The following AGBL3 variants were observed in gnomAD, a reference collection of about 807,000 sequenced individuals.
AGBL3 encodes the protein AGBL carboxypeptidase 3.
Under a neutral mutation model 94.5 loss-of-function variants are expected in AGBL3, and 68 were observed. That is an observed-to-expected ratio of 0.72 (90% CI 0.59 to 0.88). The LOEUF is 0.88. Among genes scored for constraint, AGBL3 ranks in the 40% least tolerant of loss-of-function variants. AGBL3 has a pLI of 0.00. For synonymous variants in AGBL3, 354 were observed against 370.7 expected, an observed-to-expected ratio of 0.95 and a Z score of 0.52; for missense variants, 934 against 1,103.8, an observed-to-expected ratio of 0.85 and a Z score of 2.18.
chr7:135,037,732 T>C (rs1356292962), intron 8 of AGBL3, among the ~76,000 whole-genome samples, 152 bp downstream of exon 8: 2 of 152,108 alleles, frequency 1.3e-5, no homozygotes. Flanking sequence ...AGCAACTATA[T>C]AGAACTACTT....
At chr7:134,998,562 CAGT>C (rs1563167525) in intron 4 of AGBL3, among the ~76,000 whole-genome samples, 1 of 152,186 alleles carries the variant, frequency 6.6e-6, no homozygotes, top group African/African-American at 2.4e-5. Flanking sequence ...AGATTGCCAG[CAGT>C]AATACCAGTC....
At position 135,025,216 on chromosome 7, in the gene AGBL3, G is replaced by A. The variant is rs181725757; in HGVS notation, c.419-7628G>A. Among the ~76,000 whole-genome samples the A allele has an allele frequency of 1.1e-3, 162 of 151,586 alleles. 8 individuals are homozygous for A. Among genetic ancestry groups the A allele is most frequent in the Admixed American group, 8.8e-3 (134 of 15,234 alleles). Reference sequence around the variant, plus strand: ...TGAAAGAAAAAATCTTAAAGGCAGCGAGAGAGAAGGGTGAAGTCATGTACA... The same window carrying A: ...TGAAAGAAAAAATCTTAAAGGCAGCAAGAGAGAAGGGTGAAGTCATGTACA... On this transcript the variant is annotated intron_variant, in intron 5 of 16. Coordinates refer to ENST00000436302, the MANE Select transcript of AGBL3 (RefSeq NM_178563.4).
chr7:134,997,340 G>A (rs1415880712), intron 4 of AGBL3, among the ~76,000 whole-genome samples: 18 of 152,212 alleles, frequency 1.2e-4, no homozygotes, highest in Admixed American at 7.9e-4. Flanking sequence ...ATGGCCTCAG[G>A]GTTGGGGACA....
At chr7:135,006,903 CA>C (rs1563176101) in intron 4 of AGBL3, among the ~76,000 whole-genome samples, 1 of 151,624 alleles carries the variant, frequency 6.6e-6, no homozygotes, top group African/African-American at 2.4e-5. Flanking sequence ...GAACCAGATA[CA>C]GAATAAAAAG....
At chr7:135,084,004 C>T (rs1306122031) in intron 15 of AGBL3, among the ~76,000 whole-genome samples, 2 of 152,284 alleles carry the variant, frequency 1.3e-5, no homozygotes, top group Middle Eastern at 3.4e-3. Context: ...GGAGGCCAAG[C>T]AGTTGGGGCC....
intron 15 of AGBL3, among the ~76,000 whole-genome samples, chr7:135,091,188 C>A (rs1327010569): frequency 6.6e-6 from 1 of 152,098 alleles, no homozygotes. Flanking sequence ...TGTTTCCTTC[C>A]ATTTTCCATA....
intron 5 of AGBL3, among the ~76,000 whole-genome samples, chr7:135,022,935 T>C (rs1814670969): frequency 2.6e-5 from 4 of 152,196 alleles, no homozygotes; most frequent in African/African-American, 7.2e-5. Flanking sequence ...TCTGCCTTCA[T>C]TGACATTAAT....
intron 9 of AGBL3, among the ~76,000 whole-genome samples, chr7:135,044,427 G>A (rs1183721171): frequency 6.6e-6 from 1 of 151,940 alleles, no homozygotes; most frequent in Non-Finnish European, 1.5e-5. Context: ...GTTTTTAAGG[G>A]GATATCTACA....
chr7:135,024,202 G>A (rs559046321), intron 5 of AGBL3, among the ~76,000 whole-genome samples: 1 of 152,240 alleles, frequency 6.6e-6, no homozygotes, highest in East Asian at 1.9e-4. Flanking sequence ...TGATTGGAGG[G>A]GACTCCTACA....
intron 5 of AGBL3, among the ~76,000 whole-genome samples, chr7:135,030,178 AAAG>A (rs769787693): frequency 0.021 from 3,137 of 148,990 alleles, 105 homozygotes; most frequent in African/African-American, 0.07. Flanking sequence ...AAAAAAAAAG[AAAG>A]AAAAAAAACA....
intron 11 of AGBL3, among the ~76,000 whole-genome samples, chr7:135,058,771 C>G (rs888912060): frequency 1.3e-5 from 2 of 152,124 alleles, no homozygotes; most frequent in Admixed American, 1.3e-4. Flanking sequence ...TTTTTTCCCC[C>G]CCAAGACAGA....
Position 135,045,507 on chromosome 7 carries a change from A to T in AGBL3, c.1661A>T (p.Asp554Val). Residue 554 changes from aspartate (D) to valine (V), a missense_variant, in exon 10 of 17, where the codon GAC becomes GTC. Physicochemically the swap from Asp to Val is radical, Grantham distance 152. Coordinates refer to ENST00000436302, the MANE Select transcript of AGBL3 (RefSeq NM_178563.4). ...NKRGTHFSTKDLESMGYHFCD... is the reference protein window; with the variant it reads ...NKRGTHFSTKVLESMGYHFCD... ...CGAGGCACTCATTTCAGCACGAAAG[A>T]CCTGGAATCAATGGGATATCATTTT... 6.4e-7 allele frequency: 1 copy of T among 1,551,250 alleles called. No individual in the cohort carries two copies.
At chr7:135,115,345 A>T in intron 15 of AGBL3, 35 bp from the exon 16 acceptor site, 2 of 1,347,230 alleles carry the variant, frequency 1.5e-6, no homozygotes, top group Non-Finnish European at 2.1e-6. Flanking sequence ...AATAGAGTTC[A>T]TATCTCTGTA....
chr7:135,048,036 T>C (rs1469039575), intron 11 of AGBL3, among the ~76,000 whole-genome samples: 2 of 151,986 alleles, frequency 1.3e-5, no homozygotes, highest in African/African-American at 2.4e-5. Context: ...GAGTTGACTT[T>C]TTTATATAGT....
intron 16 of AGBL3, among the ~76,000 whole-genome samples, chr7:135,131,472 C>A (rs552724375): frequency 2.0e-5 from 3 of 149,648 alleles, no homozygotes; most frequent in African/African-American, 7.4e-5. Flanking sequence ...AAAAAAAATT[C>A]TCAAAGGAAG....
chr7:135,101,186 G>T (rs1212632205), intron 15 of AGBL3: 1 of 456,202 alleles, frequency 2.2e-6, no homozygotes, highest in Admixed American at 2.3e-5. Context: ...GAACTGATTT[G>T]TATGGAAACT....
intron 5 of AGBL3, among the ~76,000 whole-genome samples, chr7:135,030,523 C>A (rs1395384145): frequency 2.0e-5 from 3 of 152,136 alleles, no homozygotes; most frequent in Non-Finnish European, 4.4e-5. Context: ...CTGTCTTCAG[C>A]AATTCGACTA....
chr7:135,096,101 G>A (rs1473356208), intron 15 of AGBL3, among the ~76,000 whole-genome samples: 1 of 151,762 alleles, frequency 6.6e-6, no homozygotes, highest in African/African-American at 2.4e-5. Flanking sequence ...GCAGTGAGCT[G>A]AGATCATGCC....
chr7:135,117,594 T>C (rs1350898118), intron 16 of AGBL3, among the ~76,000 whole-genome samples: 3 of 152,152 alleles, frequency 2.0e-5, no homozygotes, highest in South Asian at 2.1e-4. Context: ...AAACAAATGA[T>C]ATATAAAACA....
Sources: allele counts gnomAD v4.1 joint callset (sites outside exome capture counted in the v4.1 genomes callset), GRCh38; gene constraint gnomAD v4.1.1; transcripts MANE v1.5; gene names NCBI Gene and HGNC (gene_info 2026-07-23, HGNC 2026-07-21).